Variants in SLC25A13 observed in about 807,000 individuals in gnomAD.
The protein encoded by SLC25A13 is electrogenic aspartate/glutamate antiporter SLC25A13, mitochondrial.
Under a neutral mutation model 85.5 loss-of-function variants are expected in SLC25A13, and 70 were observed. The ratio of observed to expected loss-of-function variants is 0.82; its 90% confidence interval spans 0.68 to 1.00. SLC25A13 has a LOEUF of 1.00. Among genes scored for constraint, SLC25A13 ranks in the 50% least tolerant of loss-of-function variants. The pLI, the probability that SLC25A13 is intolerant of heterozygous loss-of-function variation, is 0.00. For missense variants in SLC25A13, 765 were observed against 819.8 expected (o/e 0.93, Z 0.82); for synonymous variants, 259 against 288.7 (o/e 0.90, Z 1.04).
chr7:96,166,504 T>A (rs1217643169), intron 13 of SLC25A13, among the ~76,000 whole-genome samples: 1 of 152,146 alleles, frequency 6.6e-6, no homozygotes, highest in Non-Finnish European at 1.5e-5. Context: ...GCACCACTTG[T>A]ATTTCTTATC....
At chr7:96,143,369 T>A (rs1376984850) in intron 14 of SLC25A13, among the ~76,000 whole-genome samples, 2 of 152,190 alleles carry the variant, frequency 1.3e-5, no homozygotes, top group African/African-American at 4.8e-5. Flanking sequence ...GCTCCAGGGG[T>A]TTATGCAATA....
At chr7:96,321,665 C>T (rs1800349795) in intron 1 of SLC25A13, among the ~76,000 whole-genome samples, 1 of 152,170 alleles carries the variant, frequency 6.6e-6, no homozygotes, top group African/African-American at 2.4e-5. Flanking sequence ...GGCCCTGGCT[C>T]AGCCCCGTCA....
chr7:96,168,253 A>G (rs1018433592), intron 13 of SLC25A13, among the ~76,000 whole-genome samples: 1 of 151,912 alleles, frequency 6.6e-6, no homozygotes, highest in Non-Finnish European at 1.5e-5. Flanking sequence ...ATAAACTCTT[A>G]CTTCTTAAAG....
intron 3 of SLC25A13, among the ~76,000 whole-genome samples, chr7:96,261,909 T>G (rs1381017916): frequency 6.6e-6 from 1 of 152,138 alleles, no homozygotes; most frequent in Non-Finnish European, 1.5e-5. Flanking sequence ...AACTCATCCT[T>G]TGATAAGAAA....
rs561395788 is a variant in SLC25A13 at position 96,317,697 on chromosome 7, A to G, written c.15+4245T>C. Among the ~76,000 whole-genome samples, 6 of 152,204 alleles carry G rather than the reference A, an allele frequency of 3.9e-5. No individual in the cohort carries two copies. The South Asian group carries it at 1.2e-3, about 32-fold the overall frequency. ...GTAGTGGGAGCATTTCCATCAGAGA[A>G]CTTAGCCCCCTGGAATGGTTTTGGT... On this transcript the variant is annotated intron_variant, in intron 1 of 17. Coordinates refer to ENST00000265631, the MANE Select transcript of SLC25A13 (RefSeq NM_014251.3).
intron 13 of SLC25A13, among the ~76,000 whole-genome samples, chr7:96,168,482 G>C (rs1198078933): frequency 6.6e-6 from 1 of 152,134 alleles, no homozygotes; most frequent in Non-Finnish European, 1.5e-5. Context: ...AATGTGCTTT[G>C]TGTTTGAAAT....
intron 13 of SLC25A13, among the ~76,000 whole-genome samples, chr7:96,147,672 T>C (rs1792861011): frequency 1.3e-5 from 2 of 152,322 alleles, no homozygotes; most frequent in East Asian, 3.9e-4. Flanking sequence ...GTATTATTTA[T>C]AAAAGCTGGA....
chr7:96,322,008 G>GT lies in SLC25A13; in HGVS notation c.-53dup. 7 of 1,531,888 alleles carry GT rather than the reference G, an allele frequency of 4.6e-6. No individual in the cohort carries two copies. The highest frequency in any genetic ancestry group is 6.1e-6 in the Non-Finnish European group (7 of 1,139,782). The allele number at this position is 1,531,888 out of a possible 1,614,324, so 94.9% of individuals were successfully genotyped here. A position where few individuals can be genotyped will look rare whatever the true frequency, so the allele number is the denominator to read the frequency against. On this transcript the variant is annotated 5_prime_UTR_variant, in exon 1 of 18. Coordinates refer to ENST00000265631, the MANE Select transcript of SLC25A13 (RefSeq NM_014251.3). Reference sequence around the variant, plus strand: ...GGGACCCACTGACTGGCTGGCTGGCGTTTGGGACCCGGGCGGCTCACTTCT... The same window carrying GT: ...GGGACCCACTGACTGGCTGGCTGGCGTTTTGGGACCCGGGCGGCTCACTTCT...
At position 96,201,126 on chromosome 7, in the gene SLC25A13, C is replaced by A. The variant is rs1430957913; in HGVS notation, c.468+7712G>T. ...TTATGAAACAATACCAAAGCTACAT[C>A]ACAGACCCCACCTGATACAACTTAG... On this transcript the variant is annotated intron_variant, in intron 5 of 17. Coordinates refer to ENST00000265631, the MANE Select transcript of SLC25A13 (RefSeq NM_014251.3). 2.6e-5 allele frequency among the ~76,000 whole-genome samples: 4 copies of A among 152,276 alleles called. No homozygotes were observed. In the South Asian group the frequency reaches 6.2e-4, roughly 24 times the overall value.
chr7:96,208,762 C>T (rs960393084), intron 5 of SLC25A13, 76 bp downstream of exon 5: 1 of 1,569,250 alleles, frequency 6.4e-7, no homozygotes, highest in African/African-American at 1.4e-5. Context: ...ACCTCGGCCT[C>T]CCAAAGTGCT....
chr7:96,146,630 C>T lies in SLC25A13; in HGVS notation c.1378G>A (p.Gly460Arg). ...ACTCGAGGACCAGTGGTGATTTCTCCTGCCACTTGCAAACGGATCTTGACG... is the reference window on the plus strand; with the variant it reads ...ACTCGAGGACCAGTGGTGATTTCTCTTGCCACTTGCAAACGGATCTTGACG... ...EIVKIRLQVA[G>R]EITTGPRVSA... is the part of the protein sequence containing the mutation. The change falls in exon 14 of 18, where the codon GGA (glycine) becomes AGA (arginine). Residue 460 changes from glycine (G) to arginine (R), a missense_variant. By Grantham distance (125) the Gly-to-Arg change is moderately radical. Coordinates refer to ENST00000265631, the MANE Select transcript of SLC25A13 (RefSeq NM_014251.3). 1 of 1,614,032 alleles carries T rather than the reference C, an allele frequency of 6.2e-7. No homozygotes were observed. Among genetic ancestry groups the T allele is most frequent in the Non-Finnish European group, 8.5e-7 (1 of 1,180,008 alleles).
intron 4 of SLC25A13, among the ~76,000 whole-genome samples, chr7:96,213,772 T>TC (rs1341371523): frequency 1.3e-5 from 2 of 152,184 alleles, no homozygotes; most frequent in Non-Finnish European, 2.9e-5. Context: ...AGGCTTATAC[T>TC]CTTTTCCCCA....
Position 96,308,273 on chromosome 7 carries a change from G to T in SLC25A13, c.16-11322C>A, listed in dbSNP as rs141205163. Among the ~76,000 whole-genome samples the T allele has an allele frequency of 5.3e-5, 8 of 152,224 alleles. No individual in the cohort carries two copies. The East Asian group carries it at 1.5e-3, about 29-fold the overall frequency. On this transcript the variant is annotated intron_variant, in intron 1 of 17. Coordinates refer to ENST00000265631, the MANE Select transcript of SLC25A13 (RefSeq NM_014251.3). ...CAATTGAATGAAAACAGCACAACTT[G>T]AGACAATCTAGCAGCGCCTTGCTTC... is the stretch of plus-strand genomic sequence containing the variant.
intron 4 of SLC25A13, among the ~76,000 whole-genome samples, chr7:96,234,448 A>G (rs899547084): frequency 1.7e-4 from 26 of 152,190 alleles, no homozygotes; most frequent in Admixed American, 1.5e-3. Context: ...GTGTGTAGGC[A>G]GATTATTCAC....
At chr7:96,158,772 C>T (rs1411024083) in intron 13 of SLC25A13, among the ~76,000 whole-genome samples, 1 of 152,106 alleles carries the variant, frequency 6.6e-6, no homozygotes, top group African/African-American at 2.4e-5. Flanking sequence ...TAATAAATGT[C>T]TAGTGATTTA....
intron 4 of SLC25A13, among the ~76,000 whole-genome samples, chr7:96,219,006 A>G (rs1039618116): frequency 6.6e-6 from 1 of 152,182 alleles, no homozygotes; most frequent in Non-Finnish European, 1.5e-5. Flanking sequence ...AACATAATGG[A>G]GTAAGTGGAT....
chr7:96,161,414 C>T lies in SLC25A13; in HGVS notation c.1311+8631G>A, dbSNP rs540153482. ...CCATCAGTCTCTAAATGAATAGTAA[C>T]ATGGTATACAGAGTCACTACCCTTC... On this transcript the variant is annotated intron_variant, in intron 13 of 17. Transcript: ENST00000265631. Among the ~76,000 whole-genome samples the T allele has an allele frequency of 2.4e-4, 36 of 152,286 alleles. No individual in the cohort carries two copies. In the South Asian group the frequency reaches 7.3e-3, roughly 31 times the overall value.
At chr7:96,285,681 T>C (rs1195455825) in intron 2 of SLC25A13, among the ~76,000 whole-genome samples, 1 of 152,178 alleles carries the variant, frequency 6.6e-6, no homozygotes, top group Admixed American at 6.5e-5. Flanking sequence ...AACTTTAAGA[T>C]TCTTTGTTAC....
intron 13 of SLC25A13, among the ~76,000 whole-genome samples, chr7:96,155,440 G>C (rs1793223925): frequency 6.6e-6 from 1 of 152,108 alleles, no homozygotes; most frequent in South Asian, 2.1e-4. Flanking sequence ...TTCCTATGCA[G>C]TAGATTATTC....
Sources: allele counts gnomAD v4.1 joint callset (sites outside exome capture counted in the v4.1 genomes callset), GRCh38; gene constraint gnomAD v4.1.1; transcripts MANE v1.5; gene names NCBI Gene and HGNC (gene_info 2026-07-23, HGNC 2026-07-21).